The following AGPAT3 variants were observed in gnomAD, a reference collection of about 807,000 sequenced individuals.
AGPAT3 encodes 1-acyl-sn-glycerol-3-phosphate acyltransferase gamma.
Under a neutral mutation model 47.3 loss-of-function variants are expected in AGPAT3, and 5 were observed. The observed-to-expected ratio is 0.11, with a 90% CI of 0.06 to 0.22. The LOEUF (loss-of-function observed/expected upper bound fraction) is 0.22, where lower values mean the gene tolerates loss of function less well. AGPAT3 is among the 10% of genes least tolerant of loss of function. The pLI is 1.00. For synonymous variants in AGPAT3, 212 were observed against 208.3 expected (o/e 1.02, Z -0.15); for missense variants, 315 against 493.0 (o/e 0.64, Z 3.42).
chr21:43,980,324 C>T (rs913278875), intron 8 of AGPAT3, among the ~76,000 whole-genome samples: 8 of 151,082 alleles, frequency 5.3e-5, no homozygotes, highest in African/African-American at 1.7e-4. Context: ...TGGTGCCCTT[C>T]ACTACTTCCC....
intron 2 of AGPAT3, among the ~76,000 whole-genome samples, chr21:43,917,975 G>T (rs1338031032): frequency 1.9e-5 from 2 of 105,610 alleles, no homozygotes; most frequent in Non-Finnish European, 3.8e-5. Context: ...GGTGTTGGGG[G>T]TGTTGTGTTA....
intron 2 of AGPAT3, among the ~76,000 whole-genome samples, chr21:43,942,513 G>A (rs569547419): frequency 2.2e-4 from 33 of 152,336 alleles, no homozygotes; most frequent in Non-Finnish European, 3.2e-4. Flanking sequence ...GGAGACGCCC[G>A]CCCCTGCGGT....
At position 43,880,794 on chromosome 21, in the gene AGPAT3, C is replaced by A. The variant is rs184180674; in HGVS notation, c.-112+15449C>A. ...CTCCTGCTCACTGGCATTAAGTGGG[C>A]AGGCGGCTTATTGCTGAGTGATGGT... On this transcript the variant is annotated intron_variant, in intron 1 of 9. Transcript: ENST00000291572. The surrounding 1 kb of genome is among the most constrained non-coding windows in gnomAD (Gnocchi z 4.5). Among the ~76,000 whole-genome samples, 3 of 152,324 alleles carry A rather than the reference C, an allele frequency of 2.0e-5. No homozygotes were observed. In the East Asian group the frequency reaches 5.8e-4, roughly 29 times the overall value.
rs557221900 is a variant in AGPAT3 at position 43,984,481 on chromosome 21, C to T, written c.*2089C>T. On this transcript the variant is annotated 3_prime_UTR_variant, in exon 10 of 10. Coordinates refer to ENST00000291572, the MANE Select transcript of AGPAT3 (RefSeq NM_020132.5). Reference sequence around the variant, plus strand: ...TATTATTGTTTCCCATAGAAGTTCCCTCCCTTTGAAATTAATATATAATGT... The same window carrying T: ...TATTATTGTTTCCCATAGAAGTTCCTTCCCTTTGAAATTAATATATAATGT... 6.5e-6 allele frequency: 1 copy of T among 152,878 alleles called. No homozygotes were observed. The highest frequency in any genetic ancestry group is 6.5e-5 in the Admixed American group (1 of 15,316). 9.5% of individuals were successfully genotyped at this position (152,878 alleles called of 1,614,324 possible).
At chr21:43,947,252 G>A (rs181259719) in intron 2 of AGPAT3, among the ~76,000 whole-genome samples, 4 of 152,248 alleles carry the variant, frequency 2.6e-5, no homozygotes, top group South Asian at 4.1e-4. Context: ...CTAGGACCCT[G>A]GTCTTTAGTT....
intron 1 of AGPAT3, among the ~76,000 whole-genome samples, chr21:43,877,839 T>C (rs537668526): frequency 2.1e-4 from 32 of 152,230 alleles, no homozygotes; most frequent in African/African-American, 7.7e-4. Context: ...CCCTCTATCT[T>C]CTGTCTCCAC....
intron 3 of AGPAT3, among the ~76,000 whole-genome samples, chr21:43,963,707 C>CAAAAAAA (rs10582784): frequency 3.0e-5 from 2 of 65,732 alleles, no homozygotes; most frequent in Admixed American, 1.7e-4. Context: ...GACTCTGTCT[C>CAAAAAAA]AAAAAAAAAA....
Position 43,954,893 on chromosome 21 carries a change from C to T in AGPAT3, c.-48-4741C>T, listed in dbSNP as rs1054581637. 4 of 495,490 alleles carry T rather than the reference C, an allele frequency of 8.1e-6. No individual in the cohort carries two copies. The highest frequency in any genetic ancestry group is 1.3e-4 in the East Asian group (1 of 7,506). The allele number at this position is 495,490 out of a possible 1,614,324, so 30.7% of individuals were successfully genotyped here. The stretch of plus-strand genomic sequence containing the variant: ...TGCCAGAGGGCAGGCGTGGGCTCTC[C>T]GGGGAGTCTCTGCGTAGACTTTCTA... On this transcript the variant is annotated intron_variant, in intron 2 of 9. Transcript: ENST00000291572. The surrounding 1 kb of genome is among the most constrained non-coding windows in gnomAD (Gnocchi z 4.0).
At chr21:43,900,097 A>C (rs1269514008) in intron 1 of AGPAT3, among the ~76,000 whole-genome samples, 1 of 152,216 alleles carries the variant, frequency 6.6e-6, no homozygotes, top group East Asian at 1.9e-4. Context: ...GGTAGAAAGA[A>C]AAAGGCAAAT....
intron 2 of AGPAT3, chr21:43,950,650 C>T (rs115934607): frequency 1.8e-4 from 27 of 152,380 alleles, no homozygotes; most frequent in Admixed American, 4.6e-4. Context: ...CCTGCAACCG[C>T]GCCCCCGCTG....
chr21:43,976,973 T>C (rs2089642617), intron 7 of AGPAT3, among the ~76,000 whole-genome samples: 1 of 152,256 alleles, frequency 6.6e-6, no homozygotes, highest in Non-Finnish European at 1.5e-5. Context: ...TAAAAGATTT[T>C]AATATATCAT....
In AGPAT3 at chr21:43,981,510, A is replaced by G. The variant is rs1339287633; in HGVS notation, c.1042+323A>G. ...CCCCCCTGTCTGCTTTTGGGCTCTT[A>G]GGGGTCAGGCTGGGCTGGCCATTCG... On this transcript the variant is annotated intron_variant, in intron 9 of 9. Coordinates refer to ENST00000291572, the MANE Select transcript of AGPAT3 (RefSeq NM_020132.5). The surrounding 1 kb of genome is among the most constrained non-coding windows in gnomAD (Gnocchi z 5.3). The G allele has an allele frequency of 7.0e-6, 3 of 429,208 alleles. No homozygotes were observed. The highest frequency in any genetic ancestry group is 4.0e-5 in the African/African-American group (2 of 49,894). The allele number at this position is 429,208 out of a possible 1,614,324, so 26.6% of individuals were successfully genotyped here. A position where few individuals can be genotyped will look rare whatever the true frequency, so the allele number is the denominator to read the frequency against.
At chr21:43,889,159 C>G (rs2086046834) in intron 1 of AGPAT3, among the ~76,000 whole-genome samples, 1 of 152,096 alleles carries the variant, frequency 6.6e-6, no homozygotes, top group Non-Finnish European at 1.5e-5. Flanking sequence ...ATTGACTTTT[C>G]TTGTCGTCCT....
intron 3 of AGPAT3, among the ~76,000 whole-genome samples, chr21:43,961,913 C>A (rs1361368239): frequency 6.6e-6 from 1 of 152,178 alleles, no homozygotes; most frequent in East Asian, 1.9e-4. Flanking sequence ...GCCTGCGACA[C>A]CCCACTGTCT....
intron 2 of AGPAT3, among the ~76,000 whole-genome samples, chr21:43,925,983 C>G (rs573957820): frequency 1.3e-5 from 2 of 152,294 alleles, no homozygotes; most frequent in East Asian, 3.9e-4. Context: ...CGTGTGAGGC[C>G]CTGAGAGCTG....
In AGPAT3 at chr21:43,959,768, C is replaced by T. The variant is rs904830552; in HGVS notation, c.87C>T (p.Asn29=). 9 of 1,613,674 alleles carry T rather than the reference C, an allele frequency of 5.6e-6. No individual in the cohort carries two copies. Among genetic ancestry groups the T allele is most frequent in the Non-Finnish European group, 7.6e-6 (9 of 1,179,956 alleles). ...FVFVVSGLVI[N]FVQLCTLALW... ...TCGTGGTGAGTGGTCTGGTCATCAA[C>T]TTCGTCCAGCTGTGCACGCTGGCGC... is the stretch of plus-strand genomic sequence containing the variant. The change falls in exon 3 of 10, where the codon AAC becomes AAT. Residue 29 remains asparagine, a synonymous_variant. Coordinates refer to ENST00000291572, the MANE Select transcript of AGPAT3 (RefSeq NM_020132.5).
chr21:43,978,947 A>G (rs887127249), intron 8 of AGPAT3, among the ~76,000 whole-genome samples: 1 of 152,166 alleles, frequency 6.6e-6, no homozygotes, highest in African/African-American at 2.4e-5. Flanking sequence ...ATAACCAGGA[A>G]ATCCTCCCAG....
intron 8 of AGPAT3, among the ~76,000 whole-genome samples, chr21:43,979,741 G>A (rs2089771982): frequency 1.3e-5 from 2 of 152,198 alleles, no homozygotes; most frequent in African/African-American, 4.8e-5. Flanking sequence ...AGTTCAAGAA[G>A]CACACAGCCA....
intron 3 of AGPAT3, among the ~76,000 whole-genome samples, chr21:43,963,432 G>A (rs946548200): frequency 5.3e-5 from 8 of 152,280 alleles, no homozygotes; most frequent in African/African-American, 1.4e-4. Flanking sequence ...AGGAGGAGCC[G>A]GGCGCGGTGG....
Sources: gnomAD v4.1 joint callset for allele counts (sites outside exome capture counted in the v4.1 genomes callset) on GRCh38, gnomAD v4.1.1 for gene constraint, Gnocchi (gnomAD v3.1) non-coding constraint, MANE v1.5 for transcripts, NCBI Gene and HGNC (gene_info 2026-07-23, HGNC 2026-07-21) for gene names.